SKIDA1: variants seen among roughly 807,000 people sequenced by gnomAD.
SKIDA1 encodes SKI/DACH domain containing 1.
Under a neutral mutation model 51.4 loss-of-function variants are expected in SKIDA1, and 18 were observed. The ratio of observed to expected loss-of-function variants is 0.35; its 90% CI spans 0.24 to 0.52. The LOEUF (loss-of-function observed/expected upper bound fraction) is 0.52. Ranked by LOEUF, SKIDA1 falls within the 20% of genes least tolerant of loss-of-function variation. SKIDA1 has a pLI of 0.95. For synonymous variants in SKIDA1, 579 were observed against 500.5 expected, an observed-to-expected ratio of 1.16 and a Z score of -2.09; for missense variants, 1,104 against 1,180.6, an observed-to-expected ratio of 0.94 and a Z score of 0.95.
chr10:21,522,253 G>T (rs2032416809), intron 2 of SKIDA1, among the ~76,000 whole-genome samples: 1 of 104,038 alleles, frequency 9.6e-6, no homozygotes, highest in African/African-American at 3.8e-5. Flanking sequence ...TAATTTAAAT[G>T]AGGATCACAG....
intron 3 of SKIDA1, among the ~76,000 whole-genome samples, chr10:21,520,488 T>G (rs1378467929): frequency 1.2e-4 from 1 of 8,464 alleles, no homozygotes. Context: ...ACCCCCGCCA[T>G]TCCCCTCCCC....
Position 21,517,286 on chromosome 10 carries a change from C to G in SKIDA1, c.537G>C (p.Ser179=). 3 of 1,467,222 alleles carry G rather than the reference C, an allele frequency of 2.0e-6. No individual in the cohort carries two copies. Among genetic ancestry groups the G allele is most frequent in the Non-Finnish European group, 2.7e-6 (3 of 1,107,004 alleles). The allele number at this position is 1,467,222 out of a possible 1,614,324, so 90.9% of individuals were successfully genotyped here. ...GCGAGCGCACGATCTCCGGGTAGTG[C>G]GAGCCGGGGTATTTGCTAAAAATCT... ...LPQIFSKYPG[S]HYPEIVRSPC... is the part of the protein sequence containing the mutation. Residue 179 remains serine, a synonymous_variant, in exon 4 of 4, where the codon TCG becomes TCC. Coordinates refer to ENST00000449193, the MANE Select transcript of SKIDA1 (RefSeq NM_207371.4). The surrounding 1 kb of genome is among the most constrained non-coding windows in gnomAD (Gnocchi z 6.9).
chr10:21,517,252 G>A lies in SKIDA1; in HGVS notation c.571C>T (p.Pro191Ser). The change falls in exon 4 of 4, where the codon CCC becomes TCC. Residue 191 changes from proline (P) to serine (S), a missense_variant. Coordinates refer to ENST00000449193, the MANE Select transcript of SKIDA1 (RefSeq NM_207371.4). The surrounding 1 kb of genome is among the most constrained non-coding windows in gnomAD (Gnocchi z 6.9). ...YPEIVRSPCKPPLNYETAPLQ... is the reference protein window; with the variant it reads ...YPEIVRSPCKSPLNYETAPLQ... ...GGGGCAGTTTCATAGTTTAGAGGGG[G>A]TTTGCACGGCGAGCGCACGATCTCC... 1 of 1,475,386 alleles carries A rather than the reference G, an allele frequency of 6.8e-7. No homozygotes were observed. Among genetic ancestry groups the A allele is most frequent in the Non-Finnish European group, 9.0e-7 (1 of 1,110,568 alleles). 91.4% of individuals were successfully genotyped at this position (1,475,386 alleles called of 1,614,324 possible). A position where few individuals can be genotyped will look rare whatever the true frequency, so the allele number is the denominator to read the frequency against.
In SKIDA1 at chr10:21,515,514, T is replaced by C; in HGVS notation, c.2309A>G (p.Glu770Gly). 2 of 1,613,990 alleles carry C rather than the reference T, an allele frequency of 1.2e-6. No individual in the cohort carries two copies. Among genetic ancestry groups the C allele is most frequent in the Non-Finnish European group, 1.7e-6 (2 of 1,179,896 alleles). The change falls in exon 4 of 4, where the codon GAA becomes GGA. Residue 770 changes from glutamate to glycine, a missense_variant. Glu to Gly is a moderately conservative substitution (Grantham distance 98). Around this residue, in one of 3 missense-constraint regions of SKIDA1, gnomAD observed 938 missense variants for 886.4 expected, o/e 1.06. Transcript: ENST00000449193. ...TCTCACCCTGGCACCAAATTTATAT[T>C]CCCCATCCTCAGGTTTTGGAGAACC... is the stretch of plus-strand genomic sequence containing the variant. ...TLGSPKPEDG[E>G]YKFGARVRKN...
rs1263313153 is a variant in SKIDA1 at position 21,517,779 on chromosome 10, C to T, written c.44G>A (p.Arg15Lys). 1.2e-6 allele frequency: 2 copies of T among 1,612,874 alleles called. No individual in the cohort carries two copies. Among genetic ancestry groups the T allele is most frequent in the African/African-American group, 1.3e-5 (1 of 74,908 alleles). Reference sequence around the variant, plus strand: ...CCCTTTAATGATGAGGTAGCCGAGCCTCACGCCATCCACCTCTTCAAAACC... The same window carrying T: ...CCCTTTAATGATGAGGTAGCCGAGCTTCACGCCATCCACCTCTTCAAAACC... ...KSGFEEVDGV[R>K]LGYLIIKGKQ... The change falls in exon 4 of 4, where the codon AGG becomes AAG. Residue 15 changes from arginine (R) to lysine (K), a missense_variant. Transcript: ENST00000449193. This position sits in a 1 kb window ranked among gnomAD's most constrained non-coding sequence, Gnocchi z 6.9.
At chr10:21,521,132 G>A (rs577594324) in intron 3 of SKIDA1, among the ~76,000 whole-genome samples, 9 of 151,134 alleles carry the variant, frequency 6.0e-5, no homozygotes, top group Non-Finnish European at 1.2e-4. Flanking sequence ...ATCAGCACAC[G>A]TTGCATATCC....
chr10:21,514,710 A>G lies in SKIDA1; in HGVS notation c.*386T>C, dbSNP rs1331877956. 1 of 163,026 alleles carries G rather than the reference A, an allele frequency of 6.1e-6. No individual in the cohort carries two copies. Among genetic ancestry groups the G allele is most frequent in the African/African-American group, 2.4e-5 (1 of 41,526 alleles). The allele number at this position is 163,026 out of a possible 1,614,324, so 10.1% of individuals were successfully genotyped here. On this transcript the variant is annotated 3_prime_UTR_variant, in exon 4 of 4. Coordinates refer to ENST00000449193, the MANE Select transcript of SKIDA1 (RefSeq NM_207371.4). ...TTTCAGCTCTGAAATCTAGTGCATA[A>G]ACTTAATGGCTCATTGTAATATTTA... is the stretch of plus-strand genomic sequence containing the variant.
rs2032136283 is a variant in SKIDA1 at position 21,514,593 on chromosome 10, A to AT, written c.*502dup. 1 of 152,658 alleles carries AT rather than the reference A, an allele frequency of 6.6e-6. No individual in the cohort carries two copies. The allele number at this position is 152,658 out of a possible 1,614,324, so 9.5% of individuals were successfully genotyped here. ...ACAAACAAGAGCTCCAGAAAATAAC[A>AT]TTTTGGGCTCACAGAAACTTCTTGC... On this transcript the variant is annotated 3_prime_UTR_variant, in exon 4 of 4. Coordinates refer to ENST00000449193, the MANE Select transcript of SKIDA1 (RefSeq NM_207371.4).
In SKIDA1 at chr10:21,515,682, G is replaced by C; in HGVS notation, c.2141C>G (p.Thr714Arg). The C allele has an allele frequency of 6.2e-7, 1 of 1,614,004 alleles. No homozygotes were observed. The highest frequency in any genetic ancestry group is 8.5e-7 in the Non-Finnish European group (1 of 1,179,900). ...TNKLKCECND[T>R]KGEFYSVTES... The stretch of plus-strand genomic sequence containing the variant: ...AGTCACACTGTAAAACTCACCCTTT[G>C]TATCATTGCACTCGCACTTTAGCTT... The change falls in exon 4 of 4, where the codon ACA becomes AGA. Residue 714 changes from threonine to arginine, a missense_variant. Transcript: ENST00000449193.
Position 21,517,240 on chromosome 10 carries a change from A to G in SKIDA1, c.583T>C (p.Tyr195His), listed in dbSNP as rs1194730875. 2 of 1,466,644 alleles carry G rather than the reference A, an allele frequency of 1.4e-6. No homozygotes were observed. The highest frequency in any genetic ancestry group is 3.1e-5 in the East Asian group (1 of 32,560). 90.9% of individuals were successfully genotyped at this position (1,466,644 alleles called of 1,614,324 possible). The change falls in exon 4 of 4, where the codon TAT (tyrosine) becomes CAT (histidine). Residue 195 changes from tyrosine (Y) to histidine (H), a missense_variant. Physicochemically the swap from Tyr to His is moderately conservative, Grantham distance 83. Transcript: ENST00000449193. The surrounding 1 kb of genome is among the most constrained non-coding windows in gnomAD (Gnocchi z 6.9). ...TTTCCCTGGAGCGGGGCAGTTTCAT[A>G]GTTTAGAGGGGGTTTGCACGGCGAG... ...VRSPCKPPLN[Y>H]ETAPLQGNYV...
In SKIDA1 at chr10:21,516,690, C is replaced by A; in HGVS notation, c.1133G>T (p.Ser378Ile). 6.4e-7 allele frequency: 1 copy of A among 1,551,516 alleles called. No homozygotes were observed. The highest frequency in any genetic ancestry group is 8.7e-7 in the Non-Finnish European group (1 of 1,146,940). ...GCTGGACTCGGAGTCGCTGCTGCAG[C>A]TCTCGGGAAAGCTGCCCAGATGGGG... ...PQPHLGSFPE[S>I]CSSDSESSSY... The change falls in exon 4 of 4, where the codon AGC becomes ATC. Residue 378 changes from serine to isoleucine, a missense_variant. By Grantham distance (142) the Ser-to-Ile change is moderately radical. Coordinates refer to ENST00000449193, the MANE Select transcript of SKIDA1 (RefSeq NM_207371.4). This position sits in a 1 kb window ranked among gnomAD's most constrained non-coding sequence, Gnocchi z 5.7.
chr10:21,514,946 A>G lies in SKIDA1; in HGVS notation c.*150T>C. On this transcript the variant is annotated 3_prime_UTR_variant, in exon 4 of 4. Coordinates refer to ENST00000449193, the MANE Select transcript of SKIDA1 (RefSeq NM_207371.4). ...AAAAAAAAAAAAAACCCGCAACGGA[A>G]AAAAAGTAATCCGATTTCTGTCTTC... The G allele has an allele frequency of 1.1e-6, 1 of 922,144 alleles. No individual in the cohort carries two copies. The highest frequency in any genetic ancestry group is 5.9e-5 in the East Asian group (1 of 17,000). 57.1% of individuals were successfully genotyped at this position (922,144 alleles called of 1,614,324 possible).
chr10:21,516,640 C>T lies in SKIDA1; in HGVS notation c.1183G>A (p.Asp395Asn), dbSNP rs1474951861. The change falls in exon 4 of 4, where the codon GAC becomes AAC. Residue 395 changes from aspartate (D) to asparagine (N), a missense_variant. By Grantham distance (23) the Asp-to-Asn change is conservative. This residue lies in a region of SKIDA1 where 938 missense variants were observed against 886.4 expected (regional missense o/e 1.06). Transcript: ENST00000449193. This position sits in a 1 kb window ranked among gnomAD's most constrained non-coding sequence, Gnocchi z 5.7. ...SSSYSDHAAN[D>N]SDFGSSLSSS... ...GACAAACTGGAGCCAAAATCCGAGT[C>T]GTTGGCCGCGTGGTCCGAGTAGGAG... 1 of 1,551,786 alleles carries T rather than the reference C, an allele frequency of 6.4e-7. No individual in the cohort carries two copies. The highest frequency in any genetic ancestry group is 8.7e-7 in the Non-Finnish European group (1 of 1,147,012).
In SKIDA1 at chr10:21,523,713, G is replaced by C. The variant is rs748500768; in HGVS notation, c.-1959C>G. ...GGCTGCTCAGCCATACTGAAATCCT[G>C]AGCCACCACGAGGGGAGAGAGGAGA... On this transcript the variant is annotated 5_prime_UTR_variant, in exon 2 of 4. Coordinates refer to ENST00000449193, the MANE Select transcript of SKIDA1 (RefSeq NM_207371.4). 3.3e-5 allele frequency: 5 copies of C among 152,074 alleles called. No individual in the cohort carries two copies. The highest frequency in any genetic ancestry group is 4.8e-5 in the African/African-American group (2 of 41,390). 9.4% of individuals were successfully genotyped at this position (152,074 alleles called of 1,614,324 possible).
chr10:21,517,103 G>GGCGGCGGCGGCGGCGGCA lies in SKIDA1; in HGVS notation c.702_719dup (p.Ala239_Ala244dup), dbSNP rs2032256347. ...ATACCTGGTAATAGGCGGCGGCGGC[G>GGCGGCGGCGGCGGCGGCA]GCGGCGGCGGCGGCGGCAGCAGCGG... On this transcript the variant is annotated inframe_insertion, in exon 4 of 4. Coordinates refer to ENST00000449193, the MANE Select transcript of SKIDA1 (RefSeq NM_207371.4). This position sits in a 1 kb window ranked among gnomAD's most constrained non-coding sequence, Gnocchi z 6.9. The GGCGGCGGCGGCGGCGGCA allele has an allele frequency of 1.0e-6, 1 of 1,003,290 alleles. No individual in the cohort carries two copies. Among genetic ancestry groups the GGCGGCGGCGGCGGCGGCA allele is most frequent in the Admixed American group, 6.3e-5 (1 of 15,844 alleles). 62.1% of individuals were successfully genotyped at this position (1,003,290 alleles called of 1,614,324 possible). A position where few individuals can be genotyped will look rare whatever the true frequency, so the allele number is the denominator to read the frequency against.
At position 21,516,882 on chromosome 10, in the gene SKIDA1, G is replaced by T; in HGVS notation, c.941C>A (p.Ala314Glu). ...AAAAAAAAAA[A>E]AAAAGATCLE... ...GCAAGTGGCCCCCGCGGCGGCCGCC[G>T]CCGCCGCTGCCGCCGCCGCCGCCGC... Residue 314 changes from alanine to glutamate, a missense_variant, in exon 4 of 4, where the codon GCG (alanine) becomes GAG (glutamate). Ala to Glu is a moderately radical substitution (Grantham distance 107). Coordinates refer to ENST00000449193, the MANE Select transcript of SKIDA1 (RefSeq NM_207371.4). The surrounding 1 kb of genome is among the most constrained non-coding windows in gnomAD (Gnocchi z 5.7). 1 of 1,269,848 alleles carries T rather than the reference G, an allele frequency of 7.9e-7. No individual in the cohort carries two copies. The highest frequency in any genetic ancestry group is 3.5e-5 in the South Asian group (1 of 28,688). The allele number at this position is 1,269,848 out of a possible 1,614,324, so 78.7% of individuals were successfully genotyped here.
rs1258223550 is a variant in SKIDA1, at chr10:21,515,066, T to G, written c.*30A>C. On this transcript the variant is annotated 3_prime_UTR_variant, in exon 4 of 4. Coordinates refer to ENST00000449193, the MANE Select transcript of SKIDA1 (RefSeq NM_207371.4). ...AGTTTACAACAAAAGGAAGGTAATA[T>G]GGTTCAAGAAAATATCTTCCAAAAC... The G allele has an allele frequency of 6.5e-7, 1 of 1,539,742 alleles. No homozygotes were observed. Among genetic ancestry groups the G allele is most frequent in the African/African-American group, 1.4e-5 (1 of 73,224 alleles).
chr10:21,516,212 G>A lies in SKIDA1; in HGVS notation c.1611C>T (p.Ser537=), dbSNP rs2032197891. The A allele has an allele frequency of 6.2e-7, 1 of 1,613,918 alleles. No individual in the cohort carries two copies. Among genetic ancestry groups the A allele is most frequent in the African/African-American group, 1.3e-5 (1 of 74,938 alleles). ...PKASPVYCPA[S]LGSCFAEIRN... ...TTATCTCAGCGAAACAACTCCCCAG[G>A]CTGGCCGGGCAGTACACCGGAGATG... The change falls in exon 4 of 4, where the codon AGC becomes AGT. Residue 537 remains serine (S), a synonymous_variant. Coordinates refer to ENST00000449193, the MANE Select transcript of SKIDA1 (RefSeq NM_207371.4). The surrounding 1 kb of genome is among the most constrained non-coding windows in gnomAD (Gnocchi z 5.7).
chr10:21,523,203 A>C (rs2032474568), intron 2 of SKIDA1, among the ~76,000 whole-genome samples: 1 of 134,146 alleles, frequency 7.5e-6, no homozygotes, highest in African/African-American at 2.7e-5. Flanking sequence ...CAAGGAAGGA[A>C]TGGGGTGGGG....
Sources: allele counts gnomAD v4.1 joint callset (sites outside exome capture counted in the v4.1 genomes callset), GRCh38; gene constraint gnomAD v4.1.1; regional missense constraint gnomAD v4.1.1; non-coding constraint Gnocchi (gnomAD v3.1); transcripts MANE v1.5; gene names NCBI Gene and HGNC (gene_info 2026-07-23, HGNC 2026-07-21).